Variants in MARCHF1 observed in about 807,000 individuals in gnomAD.
MARCHF1 encodes E3 ubiquitin-protein ligase MARCHF1.
MARCHF1 carries 40 observed loss-of-function variants against 54.2 expected under a neutral mutation model. The observed-to-expected ratio is 0.74, with a 90% CI of 0.57 to 0.96. MARCHF1 has a LOEUF of 0.96. MARCHF1 is among the 40% of genes least tolerant of loss of function. The pLI is 0.00. For synonymous variants in MARCHF1, 236 were observed against 236.3 expected (o/e 1.00, Z 0.01); for missense variants, 586 against 656.5 (o/e 0.89, Z 1.17).
chr4:163,997,076 A>T (rs1361416428), intron 2 of MARCHF1, among the ~76,000 whole-genome samples: 2 of 152,058 alleles, frequency 1.3e-5, no homozygotes, highest in Non-Finnish European at 2.9e-5. Flanking sequence ...TAACACTCAG[A>T]TGATAGCAAT....
At chr4:164,381,980 T>C (rs1731384560) in intron 1 of MARCHF1, among the ~76,000 whole-genome samples, 1 of 152,174 alleles carries the variant, frequency 6.6e-6, no homozygotes, top group African/African-American at 2.4e-5. Flanking sequence ...TAAAACAAGC[T>C]CTTTGCTCAT....
At chr4:163,818,470 T>C (rs546824102) in intron 4 of MARCHF1, among the ~76,000 whole-genome samples, 12 of 152,244 alleles carry the variant, frequency 7.9e-5, no homozygotes, top group African/African-American at 2.6e-4. Flanking sequence ...CTGATAGATA[T>C]AAGGCATGTA....
intron 4 of MARCHF1, among the ~76,000 whole-genome samples, chr4:163,778,105 CTATT>C (rs1309906560): frequency 2.0e-5 from 3 of 152,060 alleles, no homozygotes; most frequent in African/African-American, 4.8e-5. Flanking sequence ...TAGTTTGCAC[CTATT>C]TATTGCTAAG....
intron 8 of MARCHF1, among the ~76,000 whole-genome samples, chr4:163,570,081 T>G (rs1739791128): frequency 1.3e-5 from 2 of 152,162 alleles, no homozygotes; most frequent in African/African-American, 4.8e-5. Flanking sequence ...TAATCTAGAT[T>G]GTAAACTTAA....
Position 164,227,170 on chromosome 4 carries a change from C to T in MARCHF1, c.-322-115508G>A, listed in dbSNP as rs72987783. ...GACATTTAATTGACTCACAATTCCA[C>T]ATGGCTGGGGAAGCCTTAGGAAACT... On this transcript the variant is annotated intron_variant, in intron 1 of 9. Coordinates refer to ENST00000514618, the MANE Select transcript of MARCHF1 (RefSeq NM_001394959.1). Among the ~76,000 whole-genome samples the T allele has an allele frequency of 5.6e-3, 857 of 152,224 alleles. 10 individuals are homozygous for T. Among genetic ancestry groups the T allele is most frequent in the African/African-American group, 0.02 (828 of 41,548 alleles).
intron 1 of MARCHF1, among the ~76,000 whole-genome samples, chr4:164,348,146 A>G (rs1355019843): frequency 6.6e-6 from 1 of 152,076 alleles, no homozygotes; most frequent in Admixed American, 6.6e-5. Context: ...TAAAATCCAG[A>G]CATGTTTCTC....
At chr4:164,296,158 A>G (rs1373159657) in intron 1 of MARCHF1, among the ~76,000 whole-genome samples, 4 of 152,188 alleles carry the variant, frequency 2.6e-5, no homozygotes, top group African/African-American at 9.6e-5. Context: ...TAGTAATAAC[A>G]CTAGTTTATT....
intron 5 of MARCHF1, among the ~76,000 whole-genome samples, chr4:163,678,468 C>A (rs1743990001): frequency 6.6e-6 from 1 of 152,132 alleles, no homozygotes; most frequent in Admixed American, 6.5e-5. Context: ...TAAGCTGATA[C>A]ATATTTAATG....
chr4:163,583,268 G>T lies in MARCHF1; in HGVS notation c.1191+2481C>A, dbSNP rs1439851891. Among the ~76,000 whole-genome samples, 4 of 152,278 alleles carry T rather than the reference G, an allele frequency of 2.6e-5. No homozygotes were observed. The South Asian group carries it at 6.2e-4, about 24-fold the overall frequency. On this transcript the variant is annotated intron_variant, in intron 8 of 9. Coordinates refer to ENST00000514618, the MANE Select transcript of MARCHF1 (RefSeq NM_001394959.1). ...TGGTTCCAGTAAAGCCAGATACTGT[G>T]ATTTTTCAAACAAATTCACATGGAT...
chr4:164,149,500 C>T (rs1047749566), intron 1 of MARCHF1, among the ~76,000 whole-genome samples: 4 of 152,286 alleles, frequency 2.6e-5, no homozygotes, highest in Admixed American at 1.3e-4. Flanking sequence ...AAAAGTTTAT[C>T]ATAACATATC....
At chr4:163,873,965 A>C (rs1750235192) in intron 3 of MARCHF1, among the ~76,000 whole-genome samples, 1 of 152,264 alleles carries the variant, frequency 6.6e-6, no homozygotes, top group African/African-American at 2.4e-5. Flanking sequence ...GACAGTAACG[A>C]AACCCTAATA....
At position 163,648,922 on chromosome 4, in the gene MARCHF1, A is replaced by G. The variant is rs545208846; in HGVS notation, c.163-35529T>C. On this transcript the variant is annotated intron_variant, in intron 5 of 9. Coordinates refer to ENST00000514618, the MANE Select transcript of MARCHF1 (RefSeq NM_001394959.1). ...TTGCTACAGACACAATCTTTGGGGG[A>G]AAAAAAAAAACCTTACAGGAGCAAG... 7.4e-3 allele frequency among the ~76,000 whole-genome samples: 609 copies of G among 82,506 alleles called. 1 individual carries two copies. In the African/African-American group the frequency reaches 0.092, roughly 12 times the overall value. 54.1% of individuals were successfully genotyped at this position (82,506 alleles called of 152,430 possible).
At chr4:164,361,564 C>T (rs2110926653) in intron 1 of MARCHF1, among the ~76,000 whole-genome samples, 1 of 152,256 alleles carries the variant, frequency 6.6e-6, no homozygotes, top group South Asian at 2.1e-4. Context: ...ATTTTTCTCT[C>T]ATTTTTGTAT....
chr4:164,059,579 G>T (rs1198220050), intron 2 of MARCHF1, among the ~76,000 whole-genome samples: 3 of 152,132 alleles, frequency 2.0e-5, no homozygotes, highest in Non-Finnish European at 2.9e-5. Flanking sequence ...CAGCTTTTGT[G>T]TATCATCAAA....
intron 5 of MARCHF1, among the ~76,000 whole-genome samples, chr4:163,638,169 C>G (rs1349841256): frequency 6.7e-6 from 1 of 149,786 alleles, no homozygotes; most frequent in African/African-American, 2.5e-5. Context: ...GTGCAGCGCA[C>G]CAGCATGGCA....
intron 4 of MARCHF1, among the ~76,000 whole-genome samples, chr4:163,724,622 G>A (rs1745593558): frequency 1.3e-5 from 2 of 152,198 alleles, no homozygotes; most frequent in South Asian, 4.1e-4. Flanking sequence ...GTCTACAAAG[G>A]CGGGCAAGCC....
At chr4:164,242,831 G>A (rs1388927336) in intron 1 of MARCHF1, among the ~76,000 whole-genome samples, 2 of 151,652 alleles carry the variant, frequency 1.3e-5, no homozygotes, top group African/African-American at 4.8e-5. Context: ...CGTGAAGAAT[G>A]CAGAAGCCTC....
At chr4:163,802,654 G>A (rs750522187) in intron 4 of MARCHF1, among the ~76,000 whole-genome samples, 13 of 152,130 alleles carry the variant, frequency 8.5e-5, no homozygotes, top group Non-Finnish European at 1.3e-4. Context: ...AGACATATTC[G>A]ATTCTTGAGA....
chr4:163,848,919 A>C (rs1161657359), intron 4 of MARCHF1, among the ~76,000 whole-genome samples: 1 of 152,230 alleles, frequency 6.6e-6, no homozygotes, highest in Non-Finnish European at 1.5e-5. Context: ...AATTCTATAC[A>C]TAAAACGGCG....
Sources: allele counts gnomAD v4.1 joint callset (sites outside exome capture counted in the v4.1 genomes callset), GRCh38; gene constraint gnomAD v4.1.1; transcripts MANE v1.5; gene names NCBI Gene and HGNC (gene_info 2026-07-23, HGNC 2026-07-21).